SPOCK1: variants seen among roughly 807,000 people sequenced by gnomAD.
SPOCK1 encodes SPARC (osteonectin), cwcv and kazal like domains proteoglycan 1, also known as testican-1.
SPOCK1 carries 23 observed loss-of-function variants against 55.3 expected under a neutral mutation model. That is an observed-to-expected ratio of 0.42 (90% CI 0.30 to 0.59). SPOCK1 has a LOEUF of 0.59. SPOCK1 is among the 20% of genes least tolerant of loss of function. SPOCK1 has a pLI of 0.22. For missense variants in SPOCK1, 499 were observed against 552.5 expected (o/e 0.90, Z 0.97); for synonymous variants, 226 against 221.0 (o/e 1.02, Z -0.20).
chr5:137,147,323 T>A (rs530572651), intron 3 of SPOCK1, among the ~76,000 whole-genome samples: 1 of 152,342 alleles, frequency 6.6e-6, no homozygotes, highest in African/African-American at 2.4e-5. Flanking sequence ...AAAATGTTCA[T>A]CTTAATAATC....
At chr5:137,179,328 A>G (rs926430269) in intron 3 of SPOCK1, among the ~76,000 whole-genome samples, 1 of 152,186 alleles carries the variant, frequency 6.6e-6, no homozygotes, top group African/African-American at 2.4e-5. Context: ...TTCAGGTCTG[A>G]TTTTGTCTCA....
intron 3 of SPOCK1, among the ~76,000 whole-genome samples, chr5:137,254,736 C>T (rs556227722): frequency 1.1e-4 from 16 of 152,282 alleles, no homozygotes; most frequent in African/African-American, 1.9e-4. Context: ...CCTGTGGGGT[C>T]GAACTAATCT....
At chr5:137,232,443 T>C (rs1756081909) in intron 3 of SPOCK1, among the ~76,000 whole-genome samples, 1 of 152,228 alleles carries the variant, frequency 6.6e-6, no homozygotes, top group Non-Finnish European at 1.5e-5. Context: ...TTGGAAAGGC[T>C]GTCTTTTCTC....
intron 2 of SPOCK1, among the ~76,000 whole-genome samples, chr5:137,315,914 G>A (rs1223987022): frequency 6.6e-6 from 1 of 152,190 alleles, no homozygotes; most frequent in Non-Finnish European, 1.5e-5. Context: ...TGGAGAGTCA[G>A]CCTTTCTGAT....
intron 5 of SPOCK1, among the ~76,000 whole-genome samples, chr5:137,091,790 T>G (rs1580746075): frequency 6.6e-6 from 1 of 152,134 alleles, no homozygotes; most frequent in African/African-American, 2.4e-5. Context: ...CACTGGATGG[T>G]GAATTGAAGT....
intron 2 of SPOCK1, among the ~76,000 whole-genome samples, chr5:137,458,978 A>G (rs961265398): frequency 6.6e-6 from 1 of 152,230 alleles, no homozygotes; most frequent in African/African-American, 2.4e-5. Context: ...ATACACAAGA[A>G]GGAAAGTCTG....
intron 6 of SPOCK1, among the ~76,000 whole-genome samples, chr5:137,066,227 C>T (rs1041663104): frequency 6.6e-6 from 1 of 152,200 alleles, no homozygotes; most frequent in Non-Finnish European, 1.5e-5. Context: ...CAACCTCCAC[C>T]TCCCGAGTTC....
chr5:136,990,286 C>G (rs1323505848), intron 7 of SPOCK1, among the ~76,000 whole-genome samples: 2 of 152,024 alleles, frequency 1.3e-5, no homozygotes, highest in Non-Finnish European at 2.9e-5. Context: ...AGTACAGCAT[C>G]TCCTCCTCTG....
Position 136,988,425 on chromosome 5 carries a change from C to T in SPOCK1, c.925G>A (p.Gly309Arg). The change falls in exon 8 of 11, where the codon GGA becomes AGA. Residue 309 changes from glycine to arginine, a missense_variant. Physicochemically the swap from Gly to Arg is moderately radical, Grantham distance 125 (BLOSUM62 -2). Transcript: ENST00000394945. ...CCAACCCTCCATCCCACCTTACCTC[C>T]AGGCTTCTGGAAGCAGTAGCACCAC... The part of the protein sequence containing the change: ...NEWCYCFQKP[G>R]GLPCQNEMNR... 1.2e-6 allele frequency: 2 copies of T among 1,613,392 alleles called. No individual in the cohort carries two copies. The highest frequency in any genetic ancestry group is 1.7e-6 in the Non-Finnish European group (2 of 1,179,372).
At chr5:137,063,928 C>G (rs905563720) in intron 6 of SPOCK1, among the ~76,000 whole-genome samples, 6 of 152,202 alleles carry the variant, frequency 3.9e-5, no homozygotes, top group African/African-American at 1.4e-4. Context: ...AACCTCACTA[C>G]AGTCTTTTTT....
chr5:136,992,791 C>A, intron 6 of SPOCK1, 191 bp from the exon 7 acceptor site: 1 of 482,842 alleles, frequency 2.1e-6, no homozygotes, highest in Non-Finnish European at 3.6e-6. Flanking sequence ...GAGCCTAGAC[C>A]CCCAGGGCAA....
Position 137,297,176 on chromosome 5 carries a change from G to C in SPOCK1, c.187-30121C>G, listed in dbSNP as rs147418311. ...CATGTATGTATGCATATCTTTATGT[G>C]TGTGAATACACACATACATGTATAT... On this transcript the variant is annotated intron_variant, in intron 2 of 10. Coordinates refer to ENST00000394945, the MANE Select transcript of SPOCK1 (RefSeq NM_004598.4). Among the ~76,000 whole-genome samples, 639 of 152,252 alleles carry C rather than the reference G, an allele frequency of 4.2e-3. 8 individuals are homozygous for C. Among genetic ancestry groups the C allele is most frequent in the Admixed American group, 9.0e-3 (137 of 15,306 alleles).
At chr5:137,069,604 C>T (rs769016296) in intron 5 of SPOCK1, among the ~76,000 whole-genome samples, 10 of 152,218 alleles carry the variant, frequency 6.6e-5, no homozygotes, top group East Asian at 1.9e-4. Context: ...CCGAGTGGAA[C>T]GCCGGGAAGG....
intron 3 of SPOCK1, among the ~76,000 whole-genome samples, chr5:137,158,216 GA>G (rs1754456412): frequency 6.6e-6 from 1 of 152,178 alleles, no homozygotes; most frequent in Non-Finnish European, 1.5e-5. Flanking sequence ...CAGAGACTCT[GA>G]AATGTGAAGG....
At chr5:137,028,561 T>C (rs1751719455) in intron 6 of SPOCK1, among the ~76,000 whole-genome samples, 1 of 152,104 alleles carries the variant, frequency 6.6e-6, no homozygotes, top group South Asian at 2.1e-4. Flanking sequence ...GTGGGCTTCA[T>C]ATTCCAGATC....
intron 8 of SPOCK1, among the ~76,000 whole-genome samples, chr5:136,986,785 A>G (rs937734408): frequency 1.3e-5 from 2 of 152,164 alleles, no homozygotes; most frequent in Non-Finnish European, 1.5e-5. Context: ...AATTAACACC[A>G]TGGGTTGATA....
chr5:137,159,700 T>C (rs924114704), intron 3 of SPOCK1, among the ~76,000 whole-genome samples: 1 of 152,178 alleles, frequency 6.6e-6, no homozygotes, highest in Non-Finnish European at 1.5e-5. Context: ...AGTAGTATTC[T>C]ACGGTGTATA....
At position 136,996,563 on chromosome 5, in the gene SPOCK1, G is replaced by C. The variant is rs115381926; in HGVS notation, c.590-3963C>G. Among the ~76,000 whole-genome samples the C allele has an allele frequency of 2.0e-3, 299 of 152,144 alleles. 4 individuals carry two copies. The highest frequency in any genetic ancestry group is 6.7e-3 in the African/African-American group (276 of 41,490). On this transcript the variant is annotated intron_variant, in intron 6 of 10. Transcript: ENST00000394945. Reference sequence around the variant, plus strand: ...TCAGCTTGCTTTTCATTGCTCTTGTGCTCCCAGTTTTCTTCTCAGCATCCT... The same window carrying C: ...TCAGCTTGCTTTTCATTGCTCTTGTCCTCCCAGTTTTCTTCTCAGCATCCT...
chr5:137,352,573 C>G (rs1698773754), intron 2 of SPOCK1, among the ~76,000 whole-genome samples: 1 of 152,054 alleles, frequency 6.6e-6, no homozygotes, highest in Non-Finnish European at 1.5e-5. Context: ...GAGTGCCTGG[C>G]ACAGCTCGTA....
Sources: allele counts gnomAD v4.1 joint callset (sites outside exome capture counted in the v4.1 genomes callset), GRCh38; gene constraint gnomAD v4.1.1; transcripts MANE v1.5; gene names NCBI Gene and HGNC (gene_info 2026-07-23, HGNC 2026-07-21).